Variants in KLF12 observed in about 807,000 individuals in gnomAD.
KLF12 encodes Krueppel-like factor 12.
KLF12 carries 9 observed loss-of-function variants against 37.8 expected under a neutral mutation model. The ratio of observed to expected loss-of-function variants is 0.24; its 90% CI spans 0.14 to 0.42. KLF12 has a LOEUF of 0.42. KLF12 is among the 10% of genes least tolerant of loss of function. KLF12 has a pLI of 1.00. For missense variants in KLF12, 411 were observed against 516.0 expected (o/e 0.80, Z 1.97); for synonymous variants, 208 against 202.1 (o/e 1.03, Z -0.25).
At chr13:74,108,529 G>C (rs1429415988) in intron 1 of KLF12, among the ~76,000 whole-genome samples, 3 of 152,026 alleles carry the variant, frequency 2.0e-5, no homozygotes, top group Non-Finnish European at 4.4e-5. Context: ...AGGAGTTGGG[G>C]CGCTGACCTC....
rs551597584 is a variant in KLF12, at chr13:74,102,867, G to A, written c.-32+30872C>T. On this transcript the variant is annotated intron_variant, in intron 1 of 7. Transcript: ENST00000377669. ...ACTGACTGTGATATAATTATTGCAT[G>A]AGTTCACCACCATAAGAGCAAAGAG... 3.3e-5 allele frequency among the ~76,000 whole-genome samples: 5 copies of A among 152,326 alleles called. No individual in the cohort carries two copies. In the East Asian group the frequency reaches 5.8e-4, roughly 18 times the overall value.
At chr13:74,273,975 A>G in the KLF12 span, among the ~76,000 whole-genome samples, 1 of 152,176 alleles carries the variant, frequency 6.6e-6, no homozygotes, top group Non-Finnish European at 1.5e-5. Flanking sequence ...ATCAAACATC[A>G]TAGTGTAATT....
At chr13:73,724,327 G>A (rs147344426) in intron 6 of KLF12, among the ~76,000 whole-genome samples, 5,787 of 152,224 alleles carry the variant, frequency 0.038, 114 homozygotes, top group South Asian at 0.099. Flanking sequence ...GTCATAAGTG[G>A]GAGTTGAACA....
At chr13:73,815,192 G>C (rs1883148547) in intron 4 of KLF12, among the ~76,000 whole-genome samples, 1 of 152,162 alleles carries the variant, frequency 6.6e-6, no homozygotes, top group African/African-American at 2.4e-5. Flanking sequence ...GATCTCTGGA[G>C]GAGATCCACT....
chr13:74,261,196 C>A, the KLF12 span, among the ~76,000 whole-genome samples: 2 of 152,052 alleles, frequency 1.3e-5, no homozygotes, highest in Non-Finnish European at 2.9e-5. Flanking sequence ...TTGAGAAGAC[C>A]TAGTGGTTAA....
At chr13:73,792,122 T>C (rs1394062125) in intron 5 of KLF12, among the ~76,000 whole-genome samples, 2 of 152,178 alleles carry the variant, frequency 1.3e-5, no homozygotes, top group Non-Finnish European at 2.9e-5. Context: ...GGTTGACATC[T>C]TCAGTAAATT....
chr13:73,789,629 T>C (rs1881545128), intron 5 of KLF12, among the ~76,000 whole-genome samples: 1 of 152,030 alleles, frequency 6.6e-6, no homozygotes, highest in South Asian at 2.1e-4. Context: ...GTTTCCCAGT[T>C]AGGGCTAGGT....
intron 1 of KLF12, among the ~76,000 whole-genome samples, chr13:74,069,693 G>A (rs1190855584): frequency 6.6e-6 from 1 of 151,962 alleles, no homozygotes; most frequent in African/African-American, 2.4e-5. Context: ...AGGTAACAGA[G>A]GCAGAAAATA....
the KLF12 span, among the ~76,000 whole-genome samples, chr13:74,248,272 G>A: frequency 6.6e-6 from 1 of 152,170 alleles, no homozygotes; most frequent in Non-Finnish European, 1.5e-5. Flanking sequence ...GAAATGGTGA[G>A]GGAGAAGATG....
chr13:74,229,409 T>G, the KLF12 span, among the ~76,000 whole-genome samples: 1 of 152,190 alleles, frequency 6.6e-6, no homozygotes, highest in Non-Finnish European at 1.5e-5. Flanking sequence ...GTTCACGAGT[T>G]CTACCTGCAC....
intron 1 of KLF12, among the ~76,000 whole-genome samples, chr13:74,001,313 C>T (rs751695651): frequency 3.9e-5 from 6 of 152,132 alleles, no homozygotes; most frequent in Admixed American, 6.5e-5. Flanking sequence ...AATGTAGCTG[C>T]GTGATGTATA....
chr13:73,771,212 G>A (rs1470621776), intron 5 of KLF12, among the ~76,000 whole-genome samples: 1 of 152,174 alleles, frequency 6.6e-6, no homozygotes, highest in Non-Finnish European at 1.5e-5. Context: ...TTGTTAGTAT[G>A]TTTAGTTTAT....
chr13:74,061,223 A>G (rs186344630), intron 1 of KLF12, among the ~76,000 whole-genome samples: 1 of 152,332 alleles, frequency 6.6e-6, no homozygotes, highest in African/African-American at 2.4e-5. Flanking sequence ...CAATAAGGTC[A>G]TCTTATAAAT....
intron 4 of KLF12, among the ~76,000 whole-genome samples, chr13:73,835,155 C>G (rs1458356252): frequency 6.6e-6 from 1 of 150,922 alleles, no homozygotes; most frequent in African/African-American, 2.4e-5. Context: ...ACTTAGGTCT[C>G]GAATTCAGGT....
intron 3 of KLF12, among the ~76,000 whole-genome samples, chr13:73,924,229 T>C (rs1384721206): frequency 6.6e-6 from 1 of 152,198 alleles, no homozygotes; most frequent in Non-Finnish European, 1.5e-5. Context: ...ACAGGTAGAT[T>C]TCATTTTATT....
chr13:73,978,574 T>G (rs761465481), intron 2 of KLF12, among the ~76,000 whole-genome samples: 4 of 152,186 alleles, frequency 2.6e-5, no homozygotes, highest in African/African-American at 9.7e-5. Context: ...AACTAACTCT[T>G]ACCTTAGGAT....
chr13:74,113,480 CT>C (rs1877101229), intron 1 of KLF12, among the ~76,000 whole-genome samples: 2 of 152,158 alleles, frequency 1.3e-5, no homozygotes. Context: ...AAAAATTATG[CT>C]AAATCTACCC....
At chr13:73,773,885 C>G (rs926102643) in intron 5 of KLF12, among the ~76,000 whole-genome samples, 2 of 152,156 alleles carry the variant, frequency 1.3e-5, no homozygotes, top group Non-Finnish European at 2.9e-5. Context: ...CCAGCCCCAC[C>G]TAGTTTACTC....
intron 2 of KLF12, among the ~76,000 whole-genome samples, chr13:73,980,506 A>T (rs938354834): frequency 6.6e-6 from 1 of 152,216 alleles, no homozygotes; most frequent in Non-Finnish European, 1.5e-5. Flanking sequence ...TGAATAGAAA[A>T]AGCATTAAAC....
Sources: gnomAD v4.1 joint callset for allele counts (sites outside exome capture counted in the v4.1 genomes callset) on GRCh38, gnomAD v4.1.1 for gene constraint, MANE v1.5 for transcripts, NCBI Gene and HGNC (gene_info 2026-07-23, HGNC 2026-07-21) for gene names.